The following EPC2 variants were observed in gnomAD, a reference collection of about 807,000 sequenced individuals.
EPC2 encodes the protein enhancer of polycomb 2.
A neutral mutation model predicts 92.1 loss-of-function variants in EPC2; 14 were observed. The observed-to-expected ratio is 0.15, with a 90% CI of 0.10 to 0.24. The LOEUF (loss-of-function observed/expected upper bound fraction) is 0.24, where lower values mean the gene tolerates loss of function less well. EPC2 is among the 10% of genes least tolerant of loss of function. The pLI, the probability that EPC2 is intolerant of heterozygous loss-of-function variation, is 1.00. For synonymous variants in EPC2, 340 were observed against 334.7 expected, an observed-to-expected ratio of 1.02 and a Z score of -0.17; for missense variants, 755 against 971.5, an observed-to-expected ratio of 0.78 and a Z score of 2.96.
chr2:148,712,905 G>A (rs1039530584), intron 2 of EPC2, among the ~76,000 whole-genome samples: 1 of 151,612 alleles, frequency 6.6e-6, no homozygotes. Flanking sequence ...CAAAAGTATA[G>A]CATGCTAGCC....
At chr2:148,765,777 C>T (rs1683396205) in intron 7 of EPC2, among the ~76,000 whole-genome samples, 1 of 152,196 alleles carries the variant, frequency 6.6e-6, no homozygotes, top group African/African-American at 2.4e-5. Flanking sequence ...GTGGCTCACT[C>T]CTATAATCCC....
intron 6 of EPC2, among the ~76,000 whole-genome samples, chr2:148,764,095 C>T (rs1424921266): frequency 1.3e-5 from 2 of 152,122 alleles, no homozygotes; most frequent in East Asian, 1.9e-4. Flanking sequence ...AATAGTTATA[C>T]CTATTATATG....
At chr2:148,747,395 TATCTC>T (rs1037794638) in intron 3 of EPC2, among the ~76,000 whole-genome samples, 40 of 152,062 alleles carry the variant, frequency 2.6e-4, no homozygotes, top group African/African-American at 9.4e-4. Flanking sequence ...TATTTTCACT[TATCTC>T]CTCTCTCATT....
chr2:148,731,853 G>A (rs1682638828), intron 2 of EPC2, among the ~76,000 whole-genome samples: 1 of 152,180 alleles, frequency 6.6e-6, no homozygotes, highest in Non-Finnish European at 1.5e-5. Flanking sequence ...TGATTTATCT[G>A]TATCTTTGCT....
intron 10 of EPC2, among the ~76,000 whole-genome samples, chr2:148,771,996 G>A (rs563414059): frequency 2.5e-4 from 38 of 151,924 alleles, no homozygotes; most frequent in Admixed American, 5.9e-4. Flanking sequence ...ACAGAGTTTC[G>A]CCATGTTGGC....
intron 1 of EPC2, among the ~76,000 whole-genome samples, chr2:148,686,488 A>G (rs1052480497): frequency 6.6e-6 from 1 of 152,202 alleles, no homozygotes; most frequent in African/African-American, 2.4e-5. Context: ...ACCTCTTTCT[A>G]TGAATCATGA....
intron 10 of EPC2, among the ~76,000 whole-genome samples, chr2:148,777,909 CTG>C (rs1683676435): frequency 1.3e-5 from 2 of 152,156 alleles, no homozygotes; most frequent in Non-Finnish European, 2.9e-5. Flanking sequence ...GAAAAACAGA[CTG>C]TTCTGTATAC....
At chr2:148,692,424 GATGCTCAATAA>G (rs1190451899) in intron 2 of EPC2, 1 of 152,202 alleles carries the variant, frequency 6.6e-6, no homozygotes, top group Non-Finnish European at 1.5e-5. Context: ...TTGGTTTATA[GATGCTCAATAA>G]ATGATGTGTT....
At position 148,770,834 on chromosome 2, in the gene EPC2, T is replaced by C. The variant is rs1683502263; in HGVS notation, c.1273T>C (p.Leu425=). The part of the protein sequence containing the change: ...QANHSCENSE[L]ADLDKLRYRH... ...TAACCATTCATGTGAAAATTCAGAA[T>C]TGGCAGATTTGGATAAGTTGAGGTA... Residue 425 remains leucine (L), a synonymous_variant, in exon 9 of 14, where the codon TTG becomes CTG. Coordinates refer to ENST00000258484, the MANE Select transcript of EPC2 (RefSeq NM_015630.4). The C allele has an allele frequency of 2.5e-6, 4 of 1,613,602 alleles. No homozygotes were observed. The African/African-American group carries it at 4.0e-5, about 16-fold the overall frequency.
At chr2:148,730,738 A>G (rs1682601639) in intron 2 of EPC2, among the ~76,000 whole-genome samples, 1 of 152,178 alleles carries the variant, frequency 6.6e-6, no homozygotes, top group Non-Finnish European at 1.5e-5. Flanking sequence ...TGAGGAAAAT[A>G]TGGTTTTATT....
intron 1 of EPC2, among the ~76,000 whole-genome samples, chr2:148,688,423 G>C (rs1681573683): frequency 2.0e-5 from 3 of 152,152 alleles, no homozygotes; most frequent in South Asian, 4.2e-4. Context: ...GGGATGGGGG[G>C]AGGGGGGACG....
intron 2 of EPC2, among the ~76,000 whole-genome samples, chr2:148,693,901 C>T (rs562630547): frequency 2.6e-5 from 4 of 152,136 alleles, no homozygotes; most frequent in African/African-American, 7.2e-5. Flanking sequence ...GTGTCCAGTG[C>T]GTACTTTCGT....
chr2:148,709,625 A>G (rs1325098826), intron 2 of EPC2, among the ~76,000 whole-genome samples: 1 of 152,242 alleles, frequency 6.6e-6, no homozygotes, highest in African/African-American at 2.4e-5. Context: ...CCAAAACAGC[A>G]TGGTGCTGGT....
intron 10 of EPC2, among the ~76,000 whole-genome samples, chr2:148,781,122 G>A (rs1683739042): frequency 6.6e-6 from 1 of 152,042 alleles, no homozygotes; most frequent in Non-Finnish European, 1.5e-5. Context: ...CTTAAACTAT[G>A]GTTTGTGGTT....
intron 1 of EPC2, among the ~76,000 whole-genome samples, chr2:148,682,171 G>A (rs865938132): frequency 2.2e-4 from 33 of 152,248 alleles, no homozygotes; most frequent in African/African-American, 6.0e-4. Context: ...GAATAGTGCC[G>A]CAGTAAACAT....
At position 148,645,124 on chromosome 2, in the gene EPC2, G is replaced by T; in HGVS notation, c.107G>T (p.Arg36Leu). The T allele has an allele frequency of 6.2e-7, 1 of 1,609,376 alleles. No individual in the cohort carries two copies. Among genetic ancestry groups the T allele is most frequent in the East Asian group, 2.2e-5 (1 of 44,694 alleles). ...PDLNDCVSIN[R>L]AVPQMPTGME... is the part of the protein sequence containing the mutation. ...CTCAACGACTGCGTCTCCATCAACCGGGCCGTGCCCCAGATGCCCACCGGG... is the reference window on the plus strand; with the variant it reads ...CTCAACGACTGCGTCTCCATCAACCTGGCCGTGCCCCAGATGCCCACCGGG... The change falls in exon 1 of 14, where the codon CGG (arginine) becomes CTG (leucine). Residue 36 changes from arginine to leucine, a missense_variant. By Grantham distance (102) the Arg-to-Leu change is moderately radical. Coordinates refer to ENST00000258484, the MANE Select transcript of EPC2 (RefSeq NM_015630.4).
intron 2 of EPC2, among the ~76,000 whole-genome samples, chr2:148,706,024 T>C (rs1192359188): frequency 6.6e-6 from 1 of 152,124 alleles, no homozygotes; most frequent in African/African-American, 2.4e-5. Context: ...AGAAGTAGGC[T>C]TCAGAAAGTC....
chr2:148,699,434 G>T (rs1253343401), intron 2 of EPC2, among the ~76,000 whole-genome samples: 1 of 152,054 alleles, frequency 6.6e-6, no homozygotes, highest in Non-Finnish European at 1.5e-5. Context: ...CCTGAACTTC[G>T]CTGGTACATT....
chr2:148,781,851 A>G (rs1683756657), intron 11 of EPC2, 71 bp downstream of exon 11: 1 of 1,554,068 alleles, frequency 6.4e-7, no homozygotes, highest in Non-Finnish European at 8.8e-7. Context: ...CATTTTAGTC[A>G]AGTCACAGAA....
Sources: allele counts gnomAD v4.1 joint callset (sites outside exome capture counted in the v4.1 genomes callset), GRCh38; gene constraint gnomAD v4.1.1; transcripts MANE v1.5; gene names NCBI Gene and HGNC (gene_info 2026-07-23, HGNC 2026-07-21).